Variants in SAMD3 observed in about 807,000 individuals in gnomAD.
SAMD3 encodes sterile alpha motif domain-containing protein 3.
In SAMD3, 63 loss-of-function variants were observed where a neutral mutation model predicts 58.5. That is an observed-to-expected ratio of 1.08 (90% CI 0.88 to 1.33). The LOEUF (loss-of-function observed/expected upper bound fraction) is 1.33. Ranked by LOEUF, SAMD3 falls within the 40% of genes most tolerant of loss-of-function variation. SAMD3 has a pLI of 0.00. For missense variants in SAMD3, 604 were observed against 608.4 expected (o/e 0.99, Z 0.08); for synonymous variants, 220 against 210.3 (o/e 1.05, Z -0.40).
chr6:130,306,275 A>G (rs1388538616), intron 2 of SAMD3, among the ~76,000 whole-genome samples: 1 of 152,224 alleles, frequency 6.6e-6, no homozygotes, highest in Non-Finnish European at 1.5e-5. Context: ...ATCATTTTAG[A>G]CTTGCAAGAA....
intron 1 of SAMD3, among the ~76,000 whole-genome samples, chr6:130,348,279 T>G (rs1332242991): frequency 6.6e-6 from 1 of 152,122 alleles, no homozygotes; most frequent in African/African-American, 2.4e-5. Flanking sequence ...AGAGACAGAC[T>G]GGCAAATTGG....
Position 130,144,639 on chromosome 6 carries a change from T to C in SAMD3, c.1444A>G (p.Arg482Gly). The C allele has an allele frequency of 1.2e-6, 2 of 1,614,166 alleles. No homozygotes were observed. Among genetic ancestry groups the C allele is most frequent in the Non-Finnish European group, 1.7e-6 (2 of 1,180,010 alleles). The change falls in exon 12 of 12, where the codon AGA (arginine) becomes GGA (glycine). Residue 482 changes from arginine to glycine, a missense_variant. Coordinates refer to ENST00000439090, the MANE Select transcript of SAMD3 (RefSeq NM_001017373.4). ...AAGTTGAAAGTTTGGGACAGTCTTC[T>C]TGGACACTCAATCCTAAATACATGA... is the stretch of plus-strand genomic sequence containing the variant. Reference protein sequence around the residue: ...AFHVFRIECPRRLSQTFNFLE... With the variant: ...AFHVFRIECPGRLSQTFNFLE...
intron 1 of SAMD3, among the ~76,000 whole-genome samples, chr6:130,324,308 T>C (rs1776683973): frequency 1.3e-5 from 2 of 152,240 alleles, no homozygotes; most frequent in Non-Finnish European, 2.9e-5. Flanking sequence ...TAGTGCTTTT[T>C]TCTCCTTTTA....
upstream of SAMD3, chr6:130,365,682 G>T (rs1778118089): frequency 1.0e-6 from 1 of 985,476 alleles, no homozygotes; most frequent in Non-Finnish European, 1.2e-6. Context: ...GTCCGTTTCC[G>T]CACGCCAGCC....
intron 7 of SAMD3, among the ~76,000 whole-genome samples, chr6:130,180,756 G>A (rs952915004): frequency 1.3e-5 from 2 of 152,036 alleles, no homozygotes; most frequent in Non-Finnish European, 2.9e-5. Flanking sequence ...CACACCTAGT[G>A]GGTGCCAGGG....
At chr6:130,310,819 A>C (rs1414355047) in intron 2 of SAMD3, among the ~76,000 whole-genome samples, 3 of 152,210 alleles carry the variant, frequency 2.0e-5, no homozygotes, top group Non-Finnish European at 2.9e-5. Context: ...CATAGCCACT[A>C]ATTTTTTCGA....
rs574827083 is a variant in SAMD3, at chr6:130,320,460, C to T, written c.-303-7367G>A. Among the ~76,000 whole-genome samples the T allele has an allele frequency of 9.7e-4, 147 of 152,248 alleles. 1 individual carries two copies. Among genetic ancestry groups the T allele is most frequent in the African/African-American group, 3.3e-3 (137 of 41,560 alleles). On this transcript the variant is annotated intron_variant, in intron 1 of 13. Coordinates refer to the SAMD3 transcript ENST00000368134. ...TTGAATGGTGGGAATGGAAAATGGTCCTGCCACTTTGGAAAACAGCTTGGC... is the reference window on the plus strand; with the variant it reads ...TTGAATGGTGGGAATGGAAAATGGTTCTGCCACTTTGGAAAACAGCTTGGC...
intron 2 of SAMD3, among the ~76,000 whole-genome samples, chr6:130,283,482 G>A (rs1775055965): frequency 6.6e-6 from 1 of 152,018 alleles, no homozygotes; most frequent in Non-Finnish European, 1.5e-5. Flanking sequence ...GACAAAAAGA[G>A]GATCTAGAAG....
intron 2 of SAMD3, among the ~76,000 whole-genome samples, chr6:130,237,310 A>G (rs1405088030): frequency 6.6e-6 from 1 of 152,172 alleles, no homozygotes; most frequent in Non-Finnish European, 1.5e-5. Context: ...TGTATGCATT[A>G]CAGCCCCCCT....
chr6:130,359,872 A>G (rs552546789), intron 1 of SAMD3, among the ~76,000 whole-genome samples: 33 of 152,196 alleles, frequency 2.2e-4, no homozygotes, highest in Non-Finnish European at 3.7e-4. Context: ...AAATCTTTCA[A>G]TCACTTGGGA....
At chr6:130,304,739 G>A (rs963357155) in intron 2 of SAMD3, among the ~76,000 whole-genome samples, 16 of 151,868 alleles carry the variant, frequency 1.1e-4, no homozygotes, top group African/African-American at 2.9e-4. Flanking sequence ...CAAACTTTAA[G>A]TCGAGATTAT....
upstream of SAMD3, among the ~76,000 whole-genome samples, chr6:130,224,811 G>A (rs1388554270): frequency 6.6e-6 from 1 of 151,672 alleles, no homozygotes; most frequent in East Asian, 1.9e-4. Flanking sequence ...GTAGAGATGG[G>A]GTTTCACTGT....
chr6:130,314,917 G>A (rs1480159273), intron 1 of SAMD3, among the ~76,000 whole-genome samples: 1 of 152,130 alleles, frequency 6.6e-6, no homozygotes, highest in Non-Finnish European at 1.5e-5. Context: ...AGTGCTTTCT[G>A]AATACCAGTA....
intron 2 of SAMD3, among the ~76,000 whole-genome samples, chr6:130,261,422 C>T (rs1030763960): frequency 5.9e-5 from 9 of 152,222 alleles, no homozygotes; most frequent in Non-Finnish European, 1.2e-4. Flanking sequence ...CCTGATCACC[C>T]ACGGTGTGCC....
chr6:130,224,878 A>G (rs1474918992), upstream of SAMD3, among the ~76,000 whole-genome samples: 1 of 151,928 alleles, frequency 6.6e-6, no homozygotes, highest in African/African-American at 2.4e-5. Flanking sequence ...TCGGCCTCCT[A>G]AAGTGCTGAG....
chr6:130,358,468 G>A (rs1777897632), intron 1 of SAMD3, among the ~76,000 whole-genome samples: 4 of 152,148 alleles, frequency 2.6e-5, no homozygotes, highest in Admixed American at 2.6e-4. Flanking sequence ...ATGTGAAGGT[G>A]AACTTCCAAA....
intron 5 of SAMD3, among the ~76,000 whole-genome samples, chr6:130,199,012 A>T (rs1794401045): frequency 6.6e-6 from 1 of 152,086 alleles, no homozygotes; most frequent in African/African-American, 2.4e-5. Flanking sequence ...ACAATCTCCT[A>T]CTTTGAGGAA....
At chr6:130,335,128 A>G (rs946763205) in intron 1 of SAMD3, among the ~76,000 whole-genome samples, 11 of 152,312 alleles carry the variant, frequency 7.2e-5, no homozygotes, top group Middle Eastern at 3.4e-3. Flanking sequence ...CCCAAAGATG[A>G]GCCAAGTGGT....
intron 2 of SAMD3, among the ~76,000 whole-genome samples, chr6:130,297,531 C>T (rs549568313): frequency 6.6e-6 from 1 of 152,070 alleles, no homozygotes; most frequent in East Asian, 1.9e-4. Context: ...GCAATGGATC[C>T]TAATCAAATT....
Sources: allele counts gnomAD v4.1 joint callset (sites outside exome capture counted in the v4.1 genomes callset), GRCh38; gene constraint gnomAD v4.1.1; transcripts MANE v1.5; gene names NCBI Gene and HGNC (gene_info 2026-07-23, HGNC 2026-07-21).